CLASP1: variants seen among roughly 807,000 people sequenced by gnomAD.
CLASP1 encodes CLIP-associating protein 1.
Under a neutral mutation model 192.3 loss-of-function variants are expected in CLASP1, and 38 were observed. That is an observed-to-expected ratio of 0.20 (90% confidence interval 0.15 to 0.26). CLASP1 has a LOEUF of 0.26. Ranked by LOEUF, CLASP1 falls within the 10% of genes least tolerant of loss-of-function variation. The probability of loss-of-function intolerance (pLI) is 1.00; values close to 1 mark genes in which losing one functional copy is unlikely to be tolerated. For missense variants in CLASP1, 1,433 were observed against 1,932.5 expected, an observed-to-expected ratio of 0.74 and a Z score of 4.85; for synonymous variants, 691 against 712.8, an observed-to-expected ratio of 0.97 and a Z score of 0.49.
intron 39 of CLASP1, among the ~76,000 whole-genome samples, chr2:121,341,322 G>A (rs981664525): frequency 6.6e-6 from 1 of 152,208 alleles, no homozygotes; most frequent in Non-Finnish European, 1.5e-5. Context: ...GAAAAAGCAG[G>A]GTGAGAACCC....
At chr2:121,631,288 T>C (rs1282792019) in intron 1 of CLASP1, among the ~76,000 whole-genome samples, 1 of 123,686 alleles carries the variant, frequency 8.1e-6, no homozygotes, top group African/African-American at 2.9e-5. Context: ...TTAAAATTAC[T>C]TTTTTTTTTT....
intron 23 of CLASP1, among the ~76,000 whole-genome samples, chr2:121,413,861 T>C (rs1481772222): frequency 6.6e-6 from 1 of 152,192 alleles, no homozygotes; most frequent in Non-Finnish European, 1.5e-5. Flanking sequence ...TTGGTTATTT[T>C]CCTGGGGACA....
rs1167496773 is a variant in CLASP1 at position 121,530,952 on chromosome 2, CA to C, written c.196-628del. On this transcript the variant is annotated intron_variant, in intron 2 of 39. Coordinates refer to ENST00000263710, the Ensembl canonical transcript of CLASP1. ...GAGGGCAGTACTGCTAACGCCTGAA[CA>C]ACACACCCGCATCAACTAGAGCTTT... The C allele has an allele frequency of 5.7e-6, 4 of 700,300 alleles. No homozygotes were observed. Among genetic ancestry groups the C allele is most frequent in the Non-Finnish European group, 7.8e-6 (3 of 384,812 alleles). The allele number at this position is 700,300 out of a possible 1,614,324, so 43.4% of individuals were successfully genotyped here.
At chr2:121,417,556 C>T (rs1373119311) in intron 23 of CLASP1, among the ~76,000 whole-genome samples, 1 of 152,158 alleles carries the variant, frequency 6.6e-6, no homozygotes, top group Non-Finnish European at 1.5e-5. Context: ...AGGTGCCCCA[C>T]TCAAGGGCTC....
chr2:121,352,958 A>T (rs1412417933), intron 37 of CLASP1, among the ~76,000 whole-genome samples: 1 of 152,122 alleles, frequency 6.6e-6, no homozygotes, highest in Non-Finnish European at 1.5e-5. Flanking sequence ...TAAAATGAGG[A>T]TTTTAAAGTA....
At chr2:121,550,622 C>T (rs1014866932) in intron 2 of CLASP1, among the ~76,000 whole-genome samples, 4 of 152,140 alleles carry the variant, frequency 2.6e-5, no homozygotes, top group Non-Finnish European at 4.4e-5. Context: ...CCTCTATGCA[C>T]ACAAACTAGA....
intron 1 of CLASP1, among the ~76,000 whole-genome samples, chr2:121,626,636 G>T (rs1232638692): frequency 6.6e-6 from 1 of 152,016 alleles, no homozygotes; most frequent in Non-Finnish European, 1.5e-5. Flanking sequence ...TGTTGCCCAT[G>T]CTGGTCTTGA....
chr2:121,454,569 T>C (rs1168273143), intron 14 of CLASP1, among the ~76,000 whole-genome samples: 1 of 152,248 alleles, frequency 6.6e-6, no homozygotes, highest in Non-Finnish European at 1.5e-5. Flanking sequence ...AATCTCATAA[T>C]GTTTTAAGAA....
exon 40 of CLASP1, chr2:121,340,913 T>A (rs1166860564): frequency 6.2e-7 from 1 of 1,611,250 alleles, no homozygotes; most frequent in South Asian, 1.1e-5. Context: ...GTTGGTGGTC[T>A]GGGCCCTCTT....
At chr2:121,528,644 C>G (rs2094649383) in intron 4 of CLASP1, 33 bp downstream of exon 4, 1 of 1,582,006 alleles carries the variant, frequency 6.3e-7, no homozygotes, top group Non-Finnish European at 8.7e-7. Flanking sequence ...GCGCACTGGC[C>G]AGCTGACCTC....
At chr2:121,432,114 T>TATTA (rs373835369) in intron 19 of CLASP1, among the ~76,000 whole-genome samples, 2 of 152,278 alleles carry the variant, frequency 1.3e-5, no homozygotes, top group Middle Eastern at 3.4e-3. Context: ...TTTATTAATT[T>TATTA]ATTAATTAAT....
At chr2:121,489,954 A>C (rs1183336117) in intron 8 of CLASP1, among the ~76,000 whole-genome samples, 4 of 152,240 alleles carry the variant, frequency 2.6e-5, no homozygotes, top group African/African-American at 9.6e-5. Context: ...AAATAGATTT[A>C]TGTTCATAAC....
chr2:121,452,054 CACAGGGACACAGGG>C (rs1334879657), intron 14 of CLASP1, among the ~76,000 whole-genome samples: 1 of 152,044 alleles, frequency 6.6e-6, no homozygotes, highest in African/African-American at 2.4e-5. Flanking sequence ...CTATTAGTGC[CACAGGGACACAGGG>C]ACAGGATCCA....
chr2:121,614,929 C>T (rs34729405), intron 1 of CLASP1, among the ~76,000 whole-genome samples: 36,089 of 152,116 alleles, frequency 0.24, 6,527 homozygotes, highest in African/African-American at 0.5. Flanking sequence ...CGTGAATAAG[C>T]ACTATGAAAA....
At chr2:121,554,454 T>TAAAAAAAAAA (rs56965310) in intron 2 of CLASP1, among the ~76,000 whole-genome samples, 2 of 87,562 alleles carry the variant, frequency 2.3e-5, no homozygotes, top group African/African-American at 8.8e-5. Flanking sequence ...CTACAAAAAG[T>TAAAAAAAAAA]AAAAAAAAAA....
intron 2 of CLASP1, among the ~76,000 whole-genome samples, chr2:121,558,259 C>T (rs761407436): frequency 6.6e-6 from 1 of 152,068 alleles, no homozygotes; most frequent in African/African-American, 2.4e-5. Context: ...AATGGACTGG[C>T]CTGTCCCTCA....
At chr2:121,558,242 G>A (rs1021470891) in intron 2 of CLASP1, among the ~76,000 whole-genome samples, 4 of 152,052 alleles carry the variant, frequency 2.6e-5, no homozygotes, top group East Asian at 1.9e-4. Flanking sequence ...TGTTCTTCCC[G>A]TAGCCCAATG....
chr2:121,459,052 G>T, intron 12 of CLASP1, 77 bp from the exon 13 acceptor site: 1 of 1,082,552 alleles, frequency 9.2e-7, no homozygotes, highest in South Asian at 2.5e-5. Flanking sequence ...TTAACATCTA[G>T]AGCCTTCATT....
At chr2:121,408,481 C>T (rs969349347) in intron 24 of CLASP1, among the ~76,000 whole-genome samples, 2 of 152,168 alleles carry the variant, frequency 1.3e-5, no homozygotes, top group South Asian at 4.1e-4. Context: ...ATAGCAGCAA[C>T]TATACAAAAT....
Sources: gnomAD v4.1 joint callset for allele counts (sites outside exome capture counted in the v4.1 genomes callset) on GRCh38, gnomAD v4.1.1 for gene constraint, MANE v1.5 for transcripts, NCBI Gene and HGNC (gene_info 2026-07-23, HGNC 2026-07-21) for gene names.